The following MEST variants were observed in gnomAD, a reference collection of about 807,000 sequenced individuals.
MEST encodes the protein mesoderm-specific transcript homolog protein.
Under a neutral mutation model 50.9 loss-of-function variants are expected in MEST, and 18 were observed. That is an observed-to-expected ratio of 0.35 (90% CI 0.24 to 0.52). The LOEUF (loss-of-function observed/expected upper bound fraction) is 0.52. MEST is among the 20% of genes least tolerant of loss of function. The pLI is 0.94. For synonymous variants in MEST, 130 were observed against 154.1 expected, an observed-to-expected ratio of 0.84 and a Z score of 1.16; for missense variants, 282 against 425.3, an observed-to-expected ratio of 0.66 and a Z score of 2.96.
chr7:130,495,956 T>G, intron 2 of MEST: 1 of 355,698 alleles, frequency 2.8e-6, no homozygotes, highest in Non-Finnish European at 5.4e-6. Flanking sequence ...TGATGATGAT[T>G]ATTATGACCA....
Position 130,498,215 on chromosome 7 carries a change from G to A in MEST, c.416G>A (p.Arg139His), listed in dbSNP as rs782807870. 3.2e-5 allele frequency: 52 copies of A among 1,614,002 alleles called. No individual in the cohort carries two copies. The Middle Eastern group carries it at 4.9e-4, about 15-fold the overall frequency. Residue 139 changes from arginine to histidine, a missense_variant, in exon 5 of 12, where the codon CGC (arginine) becomes CAC (histidine). Coordinates refer to ENST00000223215, the MANE Select transcript of MEST (RefSeq NM_002402.4). ...TTGCGGCATCTGGGGCTCCAGAACC[G>A]CAGGATCAACCTTCTTTCTCATGAC... ...ALLRHLGLQNRRINLLSHDYG... is the reference protein window; with the variant it reads ...ALLRHLGLQNHRINLLSHDYG...
At chr7:130,498,306 T>C (rs782662821) in intron 5 of MEST, 31 bp downstream of exon 5, 3 of 1,612,740 alleles carry the variant, frequency 1.9e-6, no homozygotes, top group South Asian at 1.1e-5. Context: ...CAGCTTATGA[T>C]GCTAGGAAAG....
chr7:130,487,336 T>C (rs1798656250), upstream of MEST: 1 of 152,242 alleles, frequency 6.6e-6, no homozygotes, highest in Non-Finnish European at 1.5e-5. Flanking sequence ...GTGGATAAAA[T>C]GTCCTCTAGG....
chr7:130,489,806 G>C (rs113127888), upstream of MEST: 1 of 152,340 alleles, frequency 6.6e-6, no homozygotes, highest in East Asian at 1.9e-4. Flanking sequence ...TCTCCCTGGC[G>C]CTCCCTCCTT....
At position 130,500,216 on chromosome 7, in the gene MEST, T is replaced by C. The variant is rs1006281825; in HGVS notation, c.577-246T>C. Among the ~76,000 whole-genome samples, 2 of 152,196 alleles carry C rather than the reference T, an allele frequency of 1.3e-5. No homozygotes were observed. The highest frequency in any genetic ancestry group is 2.4e-5 in the African/African-American group (1 of 41,446). On this transcript the variant is annotated intron_variant, in intron 7 of 11. Coordinates refer to ENST00000223215, the MANE Select transcript of MEST (RefSeq NM_002402.4). This position sits in a 1 kb window ranked among gnomAD's most constrained non-coding sequence, Gnocchi z 5.0. ...AACAAATTAGGATCCTACTCTAAAC[T>C]TGAATATATCAGAGTTAAAGTTTTA...
Position 130,492,107 on chromosome 7 carries a change from C to T in MEST, c.-207C>T, listed in dbSNP as rs1191153159. ...CGCTGCCGCGGCAACCAGCACACCCCGGCACCTCCTCTGCGGCAGCTGCGC... is the reference window on the plus strand; with the variant it reads ...CGCTGCCGCGGCAACCAGCACACCCTGGCACCTCCTCTGCGGCAGCTGCGC... On this transcript the variant is annotated 5_prime_UTR_variant, in exon 1 of 12. Transcript: ENST00000223215. The surrounding 1 kb of genome is among the most constrained non-coding windows in gnomAD (Gnocchi z 7.6). 4.2e-5 allele frequency: 12 copies of T among 283,676 alleles called. 1 individual carries two copies. The highest frequency in any genetic ancestry group is 3.9e-4 in the East Asian group (6 of 15,358). The allele number at this position is 283,676 out of a possible 1,614,324, so 17.6% of individuals were successfully genotyped here.
chr7:130,500,371 C>A lies in MEST; in HGVS notation c.577-91C>A. 8.9e-7 allele frequency: 1 copy of A among 1,121,568 alleles called. No homozygotes were observed. 69.5% of individuals were successfully genotyped at this position (1,121,568 alleles called of 1,614,324 possible). A position where few individuals can be genotyped will look rare whatever the true frequency, so the allele number is the denominator to read the frequency against. The stretch of plus-strand genomic sequence containing the variant: ...AACCATTCAGTAGCAGGAGATTTGG[C>A]TAAAGATTTAGTTCCTAGTATAAAA... On this transcript the variant is annotated intron_variant, in intron 7 of 11. Transcript: ENST00000223215. The surrounding 1 kb of genome is among the most constrained non-coding windows in gnomAD (Gnocchi z 5.0).
chr7:130,488,848 T>G (rs1234366977), upstream of MEST: 1 of 152,238 alleles, frequency 6.6e-6, no homozygotes, highest in Non-Finnish European at 1.5e-5. Flanking sequence ...AGAGTAGGAT[T>G]AGCTTATTTT....
chr7:130,495,054 G>C (rs555913930), intron 1 of MEST, among the ~76,000 whole-genome samples: 7 of 152,006 alleles, frequency 4.6e-5, no homozygotes, highest in Non-Finnish European at 8.8e-5. Flanking sequence ...TTTATATAAA[G>C]TCCTCTTCAG....
intron 2 of MEST, chr7:130,496,052 T>C (rs1195442070): frequency 2.1e-5 from 10 of 466,762 alleles, no homozygotes; most frequent in Non-Finnish European, 4.4e-5. Context: ...CATTTGGAGA[T>C]AGGTGCCATT....
At chr7:130,495,310 G>C (rs1799004369) in intron 1 of MEST, 58 bp from the exon 2 acceptor site, 1 of 1,528,084 alleles carries the variant, frequency 6.5e-7, no homozygotes, top group African/African-American at 1.4e-5. Flanking sequence ...GTTTTGGTTT[G>C]TAGATGAGTG....
In MEST at chr7:130,500,633, A is replaced by G. The variant is rs1799240932; in HGVS notation, c.647+101A>G. The G allele has an allele frequency of 7.5e-7, 1 of 1,341,640 alleles. No individual in the cohort carries two copies. Among genetic ancestry groups the G allele is most frequent in the Non-Finnish European group, 1.0e-6 (1 of 961,664 alleles). 83.1% of individuals were successfully genotyped at this position (1,341,640 alleles called of 1,614,324 possible). On this transcript the variant is annotated intron_variant, in intron 8 of 11. Transcript: ENST00000223215. The surrounding 1 kb of genome is among the most constrained non-coding windows in gnomAD (Gnocchi z 5.0). ...TCCTAAGGCTTGATATTTTAAAGCAAAGGTGTTGGCCGCTTGCCAGGGAAG... is the reference window on the plus strand; with the variant it reads ...TCCTAAGGCTTGATATTTTAAAGCAGAGGTGTTGGCCGCTTGCCAGGGAAG...
At chr7:130,489,813 C>T (rs1798731052), upstream of MEST, 2 of 152,278 alleles carry the variant, frequency 1.3e-5, no homozygotes, top group African/African-American at 2.4e-5. Context: ...GGCGCTCCCT[C>T]CTTCCCCCAG....
intron 11 of MEST, 144 bp downstream of exon 11, chr7:130,504,140 G>A (rs1799384030): frequency 1.6e-6 from 1 of 635,328 alleles, no homozygotes; most frequent in South Asian, 2.1e-5. Context: ...AAAAGATTGA[G>A]TTGAGGAATC....
chr7:130,501,919 C>T (rs189054527), intron 9 of MEST, among the ~76,000 whole-genome samples: 2 of 150,578 alleles, frequency 1.3e-5, no homozygotes, highest in East Asian at 2.0e-4. Context: ...GCCCAGGAAG[C>T]GGAGGTTGCA....
chr7:130,495,653 T>A, intron 2 of MEST, 131 bp downstream of exon 2: 1 of 999,858 alleles, frequency 1.0e-6, no homozygotes, highest in Non-Finnish European at 1.4e-6. Flanking sequence ...TCTTTCTGTG[T>A]AGTGTGCTTG....
chr7:130,495,204 C>G (rs1798997794), intron 1 of MEST, 164 bp from the exon 2 acceptor site: 1 of 600,950 alleles, frequency 1.7e-6, no homozygotes, highest in Non-Finnish European at 2.8e-6. Context: ...CTATGGCAGA[C>G]AGAGGTTTGA....
Position 130,504,815 on chromosome 7 carries a change from T to A in MEST, c.891-124T>A, listed in dbSNP as rs1488570345. On this transcript the variant is annotated intron_variant, in intron 11 of 11. Transcript: ENST00000223215. ...ATACAATTTCAGAGTAGAAGGTGAA[T>A]AAGCTCTTTGGTGGCTCCTTCCAGT... 3 of 641,886 alleles carry A rather than the reference T, an allele frequency of 4.7e-6. No homozygotes were observed. The African/African-American group carries it at 5.4e-5, about 11-fold the overall frequency. 39.8% of individuals were successfully genotyped at this position (641,886 alleles called of 1,614,324 possible).
In MEST at chr7:130,499,894, C is replaced by CCGTCCA; in HGVS notation, c.557_562dup (p.Arg186_Pro187dup). On this transcript the variant is annotated inframe_insertion, in exon 7 of 12. Coordinates refer to ENST00000223215, the MANE Select transcript of MEST (RefSeq NM_002402.4). The stretch of plus-strand genomic sequence containing the variant: ...CTACAGGTATCTTTCCTGAGACTCA[C>CCGTCCA]CGTCCACTCCTTCTCCAAAAGGTTG... 6.2e-7 allele frequency: 1 copy of CCGTCCA among 1,612,516 alleles called. No individual in the cohort carries two copies. The highest frequency in any genetic ancestry group is 8.5e-7 in the Non-Finnish European group (1 of 1,179,278).
Sources: gnomAD v4.1 joint callset for allele counts (sites outside exome capture counted in the v4.1 genomes callset) on GRCh38, gnomAD v4.1.1 for gene constraint, Gnocchi (gnomAD v3.1) non-coding constraint, MANE v1.5 for transcripts, NCBI Gene and HGNC (gene_info 2026-07-23, HGNC 2026-07-21) for gene names.